Variants in MCPH1 observed in about 807,000 individuals in gnomAD.
The protein encoded by MCPH1 is microcephalin 1, also known as microcephalin.
In MCPH1, 104 loss-of-function variants were observed where a neutral mutation model predicts 84.5. The observed-to-expected ratio is 1.23, with a 90% CI of 1.05 to 1.45. The LOEUF is 1.45. Ranked by LOEUF, MCPH1 falls within the 40% of genes most tolerant of loss-of-function variation. The pLI is 0.00. For missense variants in MCPH1, 1,498 were observed against 1,005.7 expected (o/e 1.49, Z -6.62); for synonymous variants, 514 against 366.8 (o/e 1.40, Z -4.58).
intron 12 of MCPH1, among the ~76,000 whole-genome samples, chr8:6,614,376 C>CGCCT (rs1428086299): frequency 6.6e-6 from 1 of 152,152 alleles, no homozygotes; most frequent in African/African-American, 2.4e-5. Flanking sequence ...GCCAGGCTGG[C>CGCCT]GCCTCCTCCC....
At chr8:6,601,590 C>G (rs1010592862) in intron 12 of MCPH1, among the ~76,000 whole-genome samples, 1 of 150,436 alleles carries the variant, frequency 6.6e-6, no homozygotes, top group Non-Finnish European at 1.5e-5. Context: ...TACATGCCCA[C>G]CAGAAATACA....
chr8:6,648,206 G>A lies in MCPH1; in HGVS notation c.*5157G>A, dbSNP rs1798305918. The stretch of plus-strand genomic sequence containing the variant: ...TCCACACCCTAGAACTCCCTGTGGA[G>A]TTGGCCGATACTGCCTGTGACCTGC... On this transcript the variant is annotated 3_prime_UTR_variant, in exon 14 of 14. Transcript: ENST00000344683. 1 of 152,248 alleles carries A rather than the reference G, an allele frequency of 6.6e-6. No individual in the cohort carries two copies. Among genetic ancestry groups the A allele is most frequent in the Non-Finnish European group, 1.5e-5 (1 of 68,070 alleles). The allele number at this position is 152,248 out of a possible 1,614,324, so 9.4% of individuals were successfully genotyped here. A position where few individuals can be genotyped will look rare whatever the true frequency, so the allele number is the denominator to read the frequency against.
intron 12 of MCPH1, among the ~76,000 whole-genome samples, chr8:6,608,593 T>A (rs1245842607): frequency 2.6e-5 from 4 of 152,190 alleles, no homozygotes; most frequent in Non-Finnish European, 1.5e-5. Context: ...CGCTTGCTCT[T>A]CTGAGCCTCC....
At chr8:6,417,499 T>C (rs762325671) in intron 3 of MCPH1, among the ~76,000 whole-genome samples, 1 of 152,214 alleles carries the variant, frequency 6.6e-6, no homozygotes, top group African/African-American at 2.4e-5. Flanking sequence ...GTGCTCTCCT[T>C]CTTCTTCATT....
chr8:6,627,120 C>T (rs1796790829), intron 13 of MCPH1: 1 of 985,232 alleles, frequency 1.0e-6, no homozygotes, highest in Non-Finnish European at 1.2e-6. Context: ...TGGCCTGGCT[C>T]ATTCATCGTT....
intron 3 of MCPH1, among the ~76,000 whole-genome samples, chr8:6,425,677 C>G (rs541040257): frequency 6.6e-6 from 1 of 152,224 alleles, no homozygotes; most frequent in South Asian, 2.1e-4. Context: ...TGGGTTGAAT[C>G]AAGCCCTTCC....
At chr8:6,555,269 G>C (rs1266300679) in intron 12 of MCPH1, among the ~76,000 whole-genome samples, 1 of 152,116 alleles carries the variant, frequency 6.6e-6, no homozygotes, top group Non-Finnish European at 1.5e-5. Context: ...CTAATAGTGG[G>C]AAGAGAAGGC....
chr8:6,542,313 T>C (rs1586509222), intron 12 of MCPH1, among the ~76,000 whole-genome samples: 3 of 151,860 alleles, frequency 2.0e-5, no homozygotes, highest in Admixed American at 1.3e-4. Flanking sequence ...TGTGTGTGTA[T>C]CTGTGTGTGT....
intron 13 of MCPH1, chr8:6,626,313 G>T (rs868636774): frequency 3.0e-6 from 3 of 985,224 alleles, no homozygotes; most frequent in Middle Eastern, 5.2e-4. Context: ...CATCTGCGCC[G>T]CGTTGCCTAA....
intron 13 of MCPH1, 56 bp from the exon 14 acceptor site, chr8:6,642,938 C>A: frequency 1.3e-6 from 2 of 1,518,686 alleles, no homozygotes; most frequent in African/African-American, 1.4e-5. Context: ...CAGGTTATCA[C>A]TTTCCTATGT....
At chr8:6,525,321 C>T (rs1263023188) in intron 12 of MCPH1, among the ~76,000 whole-genome samples, 1 of 152,172 alleles carries the variant, frequency 6.6e-6, no homozygotes, top group African/African-American at 2.4e-5. Flanking sequence ...TATCAAACTC[C>T]TAGGTTCAAG....
intron 13 of MCPH1, among the ~76,000 whole-genome samples, chr8:6,640,679 T>C (rs34735222): frequency 9.8e-4 from 150 of 152,356 alleles, no homozygotes; most frequent in Admixed American, 1.6e-3. Context: ...TTTTAACTAT[T>C]ATTTTTTACA....
At chr8:6,570,948 T>C (rs577262317) in intron 12 of MCPH1, among the ~76,000 whole-genome samples, 20 of 152,216 alleles carry the variant, frequency 1.3e-4, no homozygotes, top group Non-Finnish European at 8.8e-5. Context: ...TTAAGGACTT[T>C]GAAGGGAAGA....
At chr8:6,466,387 A>G (rs1360580706) in intron 9 of MCPH1, among the ~76,000 whole-genome samples, 5 of 150,470 alleles carry the variant, frequency 3.3e-5, no homozygotes, top group Admixed American at 2.0e-4. Flanking sequence ...GGCTCACTGC[A>G]ACCTCCACCT....
At chr8:6,476,549 A>G (rs1808484218) in intron 9 of MCPH1, among the ~76,000 whole-genome samples, 5 of 152,200 alleles carry the variant, frequency 3.3e-5, no homozygotes. Flanking sequence ...ATTGTTTTGA[A>G]ACCAAAGTAG....
At chr8:6,469,523 A>G (rs1302150929) in intron 9 of MCPH1, among the ~76,000 whole-genome samples, 1 of 152,184 alleles carries the variant, frequency 6.6e-6, no homozygotes, top group Admixed American at 6.5e-5. Flanking sequence ...ATTTATATAA[A>G]TATATGATTC....
rs772226679 is a variant in MCPH1 at position 6,643,856 on chromosome 8, T to C, written c.*807T>C. 5.3e-5 allele frequency: 8 copies of C among 152,256 alleles called. No homozygotes were observed. Among genetic ancestry groups the C allele is most frequent in the Non-Finnish European group, 8.8e-5 (6 of 68,074 alleles). 9.4% of individuals were successfully genotyped at this position (152,256 alleles called of 1,614,324 possible). A position where few individuals can be genotyped will look rare whatever the true frequency, so the allele number is the denominator to read the frequency against. On this transcript the variant is annotated 3_prime_UTR_variant, in exon 14 of 14. Coordinates refer to ENST00000344683, the MANE Select transcript of MCPH1 (RefSeq NM_024596.5). The stretch of plus-strand genomic sequence containing the variant: ...GTCTTACTTCTGCAAGCCTGCTTTA[T>C]GGTGAGCAAAGCATCACCAGCAAGT...
At chr8:6,471,270 A>G (rs1281640772) in intron 9 of MCPH1, among the ~76,000 whole-genome samples, 3 of 152,230 alleles carry the variant, frequency 2.0e-5, no homozygotes, top group Non-Finnish European at 2.9e-5. Context: ...GAGTAAGTGA[A>G]TATCACTCTC....
intron 9 of MCPH1, among the ~76,000 whole-genome samples, chr8:6,476,110 A>C (rs557230763): frequency 2.6e-4 from 39 of 152,252 alleles, no homozygotes; most frequent in Admixed American, 7.2e-4. Context: ...ATACAAACAG[A>C]CATAGATAAT....
Sources: allele counts gnomAD v4.1 joint callset (sites outside exome capture counted in the v4.1 genomes callset), GRCh38; gene constraint gnomAD v4.1.1; transcripts MANE v1.5; gene names NCBI Gene and HGNC (gene_info 2026-07-23, HGNC 2026-07-21).